PAFAH1B1: variants seen among roughly 807,000 people sequenced by gnomAD.
PAFAH1B1 encodes the protein platelet-activating factor acetylhydrolase IB subunit beta.
Under a neutral mutation model 57.5 loss-of-function variants are expected in PAFAH1B1, and 2 were observed. The ratio of observed to expected loss-of-function variants is 0.03; its 90% confidence interval spans 0.01 to 0.11. PAFAH1B1 has a LOEUF of 0.11. Among genes scored for constraint, PAFAH1B1 ranks in the 10% least tolerant of loss-of-function variants. PAFAH1B1 has a pLI of 1.00. For synonymous variants in PAFAH1B1, 152 were observed against 169.6 expected (o/e 0.90, Z 0.81); for missense variants, 257 against 512.0 (o/e 0.50, Z 4.81).
chr17:2,646,852 G>T (rs1327776049), intron 2 of PAFAH1B1, among the ~76,000 whole-genome samples: 1 of 152,126 alleles, frequency 6.6e-6, no homozygotes, highest in Admixed American at 6.5e-5. Context: ...AGGACCATTT[G>T]CTTCCCAGAT....
intron 2 of PAFAH1B1, among the ~76,000 whole-genome samples, chr17:2,649,157 C>T (rs2068814686): frequency 6.8e-6 from 1 of 145,996 alleles, no homozygotes; most frequent in Admixed American, 7.1e-5. Context: ...GCAGAGGCTG[C>T]AGTGAGGCGA....
At chr17:2,624,348 C>A (rs188666155) in intron 1 of PAFAH1B1, among the ~76,000 whole-genome samples, 28 of 152,284 alleles carry the variant, frequency 1.8e-4, no homozygotes, top group African/African-American at 6.5e-4. Flanking sequence ...GGTATCTTTT[C>A]AGCAATTCCG....
At chr17:2,624,038 C>T (rs1049068814) in intron 1 of PAFAH1B1, among the ~76,000 whole-genome samples, 17 of 152,176 alleles carry the variant, frequency 1.1e-4, no homozygotes, top group African/African-American at 2.9e-4. Context: ...TACCCTAAAT[C>T]ATCTTTCTCA....
intron 1 of PAFAH1B1, among the ~76,000 whole-genome samples, chr17:2,636,590 G>A (rs572662378): frequency 2.6e-5 from 4 of 152,244 alleles, no homozygotes; most frequent in South Asian, 4.2e-4. Context: ...GTAGAGACGA[G>A]ATTTCACCGT....
intron 1 of PAFAH1B1, among the ~76,000 whole-genome samples, chr17:2,606,577 G>A (rs1011111867): frequency 2.6e-5 from 4 of 152,060 alleles, no homozygotes; most frequent in African/African-American, 7.2e-5. Flanking sequence ...TGGCCAGGCT[G>A]GTCTTGAGCT....
intron 1 of PAFAH1B1, among the ~76,000 whole-genome samples, chr17:2,597,403 C>CTGTTTTTT (rs2068095263): frequency 1.6e-5 from 1 of 64,350 alleles, no homozygotes; most frequent in African/African-American, 6.5e-5. Flanking sequence ...ACATCCGTGT[C>CTGTTTTTT]TTTTTTTTTT....
intron 1 of PAFAH1B1, among the ~76,000 whole-genome samples, chr17:2,619,046 A>G (rs2068385166): frequency 6.6e-6 from 1 of 152,126 alleles, no homozygotes; most frequent in African/African-American, 2.4e-5. Flanking sequence ...AGAACTGTCA[A>G]AAGTAAGCCA....
chr17:2,618,259 A>C (rs561339399), intron 1 of PAFAH1B1, among the ~76,000 whole-genome samples: 59 of 152,094 alleles, frequency 3.9e-4, no homozygotes, highest in African/African-American at 1.4e-3. Flanking sequence ...AAACAAACCA[A>C]ACTTTCATTT....
At chr17:2,637,014 C>T (rs1294899090) in intron 1 of PAFAH1B1, among the ~76,000 whole-genome samples, 2 of 152,076 alleles carry the variant, frequency 1.3e-5, no homozygotes, top group Admixed American at 1.3e-4. Context: ...TGTGAGCCAC[C>T]ACACCCCGCC....
intron 2 of PAFAH1B1, chr17:2,640,338 A>G (rs544670855): frequency 2.0e-5 from 3 of 147,216 alleles, no homozygotes; most frequent in South Asian, 4.2e-4. Flanking sequence ...ATGTGTCTTC[A>G]GTCACATTTA....
intron 1 of PAFAH1B1, among the ~76,000 whole-genome samples, chr17:2,628,299 T>C (rs1230761728): frequency 1.3e-5 from 2 of 152,208 alleles, no homozygotes; most frequent in East Asian, 3.8e-4. Context: ...CTGGATTTTG[T>C]TGAACGCTTT....
chr17:2,636,814 C>T (rs945662993), intron 1 of PAFAH1B1, among the ~76,000 whole-genome samples: 2 of 152,046 alleles, frequency 1.3e-5, no homozygotes, highest in Non-Finnish European at 2.9e-5. Context: ...TTTCCATAAC[C>T]TTGAACTCTT....
At chr17:2,670,063 A>T in intron 5 of PAFAH1B1, 100 bp from the exon 6 acceptor site, 1 of 897,344 alleles carries the variant, frequency 1.1e-6, no homozygotes, top group Non-Finnish European at 1.9e-6. Context: ...TTGTTCGGTT[A>T]GTTACTCAGT....
intron 7 of PAFAH1B1, 176 bp from the exon 8 acceptor site, chr17:2,673,884 T>TA: frequency 1.7e-6 from 1 of 600,292 alleles, no homozygotes; most frequent in Non-Finnish European, 3.0e-6. Flanking sequence ...TCCTTAATGA[T>TA]ATGTCTGTTA....
At chr17:2,624,250 C>T (rs992630062) in intron 1 of PAFAH1B1, among the ~76,000 whole-genome samples, 8 of 152,182 alleles carry the variant, frequency 5.3e-5, no homozygotes, top group Non-Finnish European at 2.9e-5. Context: ...AGATTCTAAA[C>T]TTTCCCAGGT....
chr17:2,607,319 G>A lies in PAFAH1B1; in HGVS notation c.-191+13313G>A, dbSNP rs527982229. On this transcript the variant is annotated intron_variant, in intron 1 of 10. Transcript: ENST00000397195. ...CTCCTGAGTAGCTGGGACTACAGGC[G>A]TGCACCAGCGTGCCCGGCTGATTTT... 2.6e-4 allele frequency among the ~76,000 whole-genome samples: 39 copies of A among 151,794 alleles called. 1 individual carries two copies. In the South Asian group the frequency reaches 6.9e-3, roughly 27 times the overall value.
At chr17:2,661,880 C>G (rs190658353) in intron 2 of PAFAH1B1, 4 of 152,056 alleles carry the variant, frequency 2.6e-5, no homozygotes, top group Admixed American at 1.3e-4. Flanking sequence ...GAAACCCCAT[C>G]TCTACAAAAA....
At chr17:2,619,534 C>CCGTTTTTTTT (rs1555521959) in intron 1 of PAFAH1B1, among the ~76,000 whole-genome samples, 2 of 149,190 alleles carry the variant, frequency 1.3e-5, no homozygotes, top group African/African-American at 5.0e-5. Flanking sequence ...TGGCCCTTAC[C>CCGTTTTTTTT]TGTTTTTTTT....
At chr17:2,634,935 G>A (rs1288876746) in intron 1 of PAFAH1B1, among the ~76,000 whole-genome samples, 2 of 152,140 alleles carry the variant, frequency 1.3e-5, no homozygotes, top group South Asian at 2.1e-4. Context: ...GACCAAGGCC[G>A]GCGGATCACT....
Sources: gnomAD v4.1 joint callset for allele counts (sites outside exome capture counted in the v4.1 genomes callset) on GRCh38, gnomAD v4.1.1 for gene constraint, MANE v1.5 for transcripts, NCBI Gene and HGNC (gene_info 2026-07-23, HGNC 2026-07-21) for gene names.